Variants in DHX36 observed in about 807,000 individuals in gnomAD.
DHX36 encodes the protein ATP-dependent DNA/RNA helicase DHX36.
In DHX36, 50 loss-of-function variants were observed where a neutral mutation model predicts 139.0. That is an observed-to-expected ratio of 0.36 (90% CI 0.29 to 0.46). The LOEUF (loss-of-function observed/expected upper bound fraction) is 0.46, where lower values mean the gene tolerates loss of function less well. Ranked by LOEUF, DHX36 falls within the 20% of genes least tolerant of loss-of-function variation. The probability of loss-of-function intolerance (pLI) is 1.00; values close to 1 mark genes in which losing one functional copy is unlikely to be tolerated. For missense variants in DHX36, 1,024 were observed against 1,211.3 expected (o/e 0.85, Z 2.29); for synonymous variants, 425 against 401.9 (o/e 1.06, Z -0.69).
intron 9 of DHX36, 55 bp downstream of exon 9, chr3:154,303,274 G>A (rs355756): frequency 0.74 from 954,629 of 1,295,000 alleles, 354,113 homozygotes; most frequent in South Asian, 0.78. Context: ...TTTGACATGA[G>A]AAAAGTGATA....
At chr3:154,311,520 A>G in intron 4 of DHX36, 116 bp downstream of exon 4, 3 of 829,646 alleles carry the variant, frequency 3.6e-6, no homozygotes, top group African/African-American at 1.8e-5. Context: ...TTAACTTCCA[A>G]TACTATCCTG....
At chr3:154,310,645 G>C (rs1712695437) in intron 4 of DHX36, among the ~76,000 whole-genome samples, 1 of 150,094 alleles carries the variant, frequency 6.7e-6, no homozygotes. Context: ...GCTGGGCGTG[G>C]TGGGTGCCTG....
In DHX36 at chr3:154,277,688, C is replaced by T; in HGVS notation, c.2598G>A (p.Leu866=). ...TAACAGATTTAGGATGAACAGCAAC[C>T]AGGCCATCGGTTTTTGTGTAAACTT... ...MVKVYTKTDG[L]VAVHPKSVNV... Residue 866 remains leucine (L), a synonymous_variant, in exon 23 of 25, where the codon CTG becomes CTA. Coordinates refer to ENST00000496811, the MANE Select transcript of DHX36 (RefSeq NM_020865.3). The T allele has an allele frequency of 6.2e-7, 1 of 1,610,144 alleles. No homozygotes were observed. Among genetic ancestry groups the T allele is most frequent in the Non-Finnish European group, 8.5e-7 (1 of 1,177,514 alleles).
In DHX36 at chr3:154,324,196, T is replaced by C. The variant is rs749533653; in HGVS notation, c.221A>G (p.Asn74Ser). 6.2e-7 allele frequency: 1 copy of C among 1,612,678 alleles called. No individual in the cohort carries two copies. Among genetic ancestry groups the C allele is most frequent in the Non-Finnish European group, 8.5e-7 (1 of 1,179,172 alleles). Reference protein sequence around the residue: ...MWYAKKQGQKNKEAERQERAV... With the variant: ...MWYAKKQGQKSKEAERQERAV... ...TACCTCTTGCCTCTCCGCTTCCTTGTTCTTCTGCCCCTGTTTTTTCGCGTA... is the reference window on the plus strand; with the variant it reads ...TACCTCTTGCCTCTCCGCTTCCTTGCTCTTCTGCCCCTGTTTTTTCGCGTA... Residue 74 changes from asparagine (N) to serine (S), a missense_variant, in exon 1 of 25, where the codon AAC (asparagine) becomes AGC (serine). Transcript: ENST00000496811.
chr3:154,302,037 G>A (rs967202121), intron 9 of DHX36, among the ~76,000 whole-genome samples: 3 of 149,436 alleles, frequency 2.0e-5, no homozygotes, highest in African/African-American at 7.4e-5. Context: ...GTTTGTAACA[G>A]TACTGGCATG....
Position 154,277,640 on chromosome 3 carries a change from G to A in DHX36, c.2646C>T (p.His882=). ...KSVNVEQTDF[H]YNWLIYHLKM... ...TTAGGTGATAGATAAGCCAGTTGTA[G>A]TGAAAGTCTGTTTGCTCCACATTAA... The change falls in exon 23 of 25, where the codon CAC becomes CAT. Residue 882 remains histidine, a synonymous_variant. Coordinates refer to ENST00000496811, the MANE Select transcript of DHX36 (RefSeq NM_020865.3). The A allele has an allele frequency of 4.3e-6, 7 of 1,612,282 alleles. No homozygotes were observed. Among genetic ancestry groups the A allele is most frequent in the Non-Finnish European group, 5.9e-6 (7 of 1,178,816 alleles).
intron 13 of DHX36, 128 bp from the exon 14 acceptor site, chr3:154,293,940 T>A: frequency 1.7e-6 from 1 of 583,194 alleles, no homozygotes; most frequent in Non-Finnish European, 3.1e-6. Flanking sequence ...GACATATACA[T>A]CTAATATTTA....
intron 17 of DHX36, among the ~76,000 whole-genome samples, chr3:154,285,426 A>G (rs554516361): frequency 6.6e-6 from 1 of 152,344 alleles, no homozygotes; most frequent in East Asian, 1.9e-4. Flanking sequence ...AGAAAATGGG[A>G]GTGACTTCTG....
At chr3:154,318,911 G>GC (rs1028180725) in intron 1 of DHX36, among the ~76,000 whole-genome samples, 9 of 152,238 alleles carry the variant, frequency 5.9e-5, no homozygotes, top group Middle Eastern at 3.4e-3. Flanking sequence ...CATGGTATGT[G>GC]CCCCAGAGAA....
At chr3:154,318,536 GATAAC>G (rs1002411217) in intron 1 of DHX36, among the ~76,000 whole-genome samples, 4 of 151,222 alleles carry the variant, frequency 2.6e-5, no homozygotes, top group African/African-American at 4.9e-5. Flanking sequence ...TGAATTACTG[GATAAC>G]ATAACAGTCT....
chr3:154,314,969 C>T, intron 3 of DHX36, 77 bp downstream of exon 3: 1 of 971,024 alleles, frequency 1.0e-6, no homozygotes, highest in Non-Finnish European at 1.5e-6. Flanking sequence ...TGCCATGCAG[C>T]TACCTCTAAC....
rs1712939410 is a variant in DHX36 at position 154,315,350 on chromosome 3, AAAC to A, written c.369-73_369-71del. The A allele has an allele frequency of 2.7e-5, 29 of 1,069,288 alleles. No individual in the cohort carries two copies. The South Asian group carries it at 3.1e-4, about 11-fold the overall frequency. The allele number at this position is 1,069,288 out of a possible 1,614,324, so 66.2% of individuals were successfully genotyped here. On this transcript the variant is annotated intron_variant, in intron 2 of 24. Coordinates refer to ENST00000496811, the MANE Select transcript of DHX36 (RefSeq NM_020865.3). ...TCAAACACTGGAACAAAACAAAACAAAACAATACGCTGTTGAAATATTTCAAAG... is the reference window on the plus strand; with the variant it reads ...TCAAACACTGGAACAAAACAAAACAAAATACGCTGTTGAAATATTTCAAAG...
At position 154,299,683 on chromosome 3, in the gene DHX36, A is replaced by C. The variant is rs1165181390; in HGVS notation, c.1549+155T>G. On this transcript the variant is annotated intron_variant, in intron 12 of 24. Coordinates refer to ENST00000496811, the MANE Select transcript of DHX36 (RefSeq NM_020865.3). ...TTTATTAGGCAAATTGTGAAAAAGA[A>C]AGAAAATATTCTCTTCATAATACTA... 4 of 671,178 alleles carry C rather than the reference A, an allele frequency of 6.0e-6. 1 individual carries two copies. Among genetic ancestry groups the C allele is most frequent in the Non-Finnish European group, 1.1e-5 (4 of 375,102 alleles). The allele number at this position is 671,178 out of a possible 1,614,324, so 41.6% of individuals were successfully genotyped here.
rs1164864069 is a variant in DHX36 at position 154,324,476 on chromosome 3, G to C, written c.-60C>G. On this transcript the variant is annotated 5_prime_UTR_variant, in exon 1 of 25. Transcript: ENST00000496811. ...ACCGCTGGAAATGGCGTCCGGGCCC[G>C]GAAGCCACTGTGCGCCCACTTCCGT... 1 of 1,434,608 alleles carries C rather than the reference G, an allele frequency of 7.0e-7. No individual in the cohort carries two copies. The highest frequency in any genetic ancestry group is 2.5e-5 in the East Asian group (1 of 39,948). 88.9% of individuals were successfully genotyped at this position (1,434,608 alleles called of 1,614,324 possible).
At chr3:154,321,062 C>A (rs889371405) in intron 1 of DHX36, among the ~76,000 whole-genome samples, 4 of 152,018 alleles carry the variant, frequency 2.6e-5, no homozygotes, top group African/African-American at 9.7e-5. Flanking sequence ...AGGATCATGA[C>A]CAGCATTAAT....
chr3:154,310,077 G>A (rs1712672424), intron 4 of DHX36, among the ~76,000 whole-genome samples: 1 of 152,152 alleles, frequency 6.6e-6, no homozygotes, highest in South Asian at 2.1e-4. Context: ...AGAAGAGACA[G>A]CTTATAAGTT....
At chr3:154,310,501 G>A (rs1342135730) in intron 4 of DHX36, among the ~76,000 whole-genome samples, 2 of 151,372 alleles carry the variant, frequency 1.3e-5, no homozygotes, top group Non-Finnish European at 2.9e-5. Context: ...TCCCCACTTA[G>A]GCCGGGCATG....
chr3:154,306,959 T>A (rs1369130608), intron 5 of DHX36, among the ~76,000 whole-genome samples: 1 of 151,980 alleles, frequency 6.6e-6, no homozygotes, highest in Non-Finnish European at 1.5e-5. Flanking sequence ...CAACAGATGG[T>A]GGAAAAAAGA....
chr3:154,298,531 C>T (rs1186004570), intron 12 of DHX36, among the ~76,000 whole-genome samples: 1 of 152,324 alleles, frequency 6.6e-6, no homozygotes, highest in East Asian at 1.9e-4. Flanking sequence ...ACAGAGAATG[C>T]TTTCAGAGCA....
Sources: gnomAD v4.1 joint callset for allele counts (sites outside exome capture counted in the v4.1 genomes callset) on GRCh38, gnomAD v4.1.1 for gene constraint, MANE v1.5 for transcripts, NCBI Gene and HGNC (gene_info 2026-07-23, HGNC 2026-07-21) for gene names.